The following NFIB variants were observed in gnomAD, a reference collection of about 807,000 sequenced individuals.
NFIB encodes the protein nuclear factor I B.
A neutral mutation model predicts 61.5 loss-of-function variants in NFIB; 11 were observed. That is an observed-to-expected ratio of 0.18 (90% CI 0.11 to 0.30). The LOEUF is 0.30. Among genes scored for constraint, NFIB ranks in the 10% least tolerant of loss-of-function variants. The pLI, the probability that NFIB is intolerant of heterozygous loss-of-function variation, is 1.00. For missense variants in NFIB, 471 were observed against 608.9 expected, an observed-to-expected ratio of 0.77 and a Z score of 2.38; for synonymous variants, 260 against 216.5, an observed-to-expected ratio of 1.20 and a Z score of -1.76.
chr9:14,179,483 C>A (rs185671385), intron 3 of NFIB, among the ~76,000 whole-genome samples: 1 of 152,064 alleles, frequency 6.6e-6, no homozygotes, highest in African/African-American at 2.4e-5. Context: ...AAAATATATG[C>A]GTATTTATTT....
chr9:14,412,766 A>G, the NFIB span, among the ~76,000 whole-genome samples: 1 of 152,192 alleles, frequency 6.6e-6, no homozygotes, highest in African/African-American at 2.4e-5. Context: ...GGCATGGGAT[A>G]CGTAATTAAA....
At chr9:14,338,471 C>A (rs10810132) in intron 1 of NFIB, among the ~76,000 whole-genome samples, 22,576 of 152,144 alleles carry the variant, frequency 0.15, 1,973 homozygotes, top group Middle Eastern at 0.2. Flanking sequence ...AGTAGAACAA[C>A]TGGAGTTTGA....
chr9:14,162,769 T>G (rs1343471120), intron 3 of NFIB, among the ~76,000 whole-genome samples: 1 of 152,132 alleles, frequency 6.6e-6, no homozygotes, highest in African/African-American at 2.4e-5. Flanking sequence ...ACTTTTGCTT[T>G]CTAATGTTGA....
At position 14,313,131 on chromosome 9, in the gene NFIB, G is replaced by A. The variant is rs1344002485; in HGVS notation, c.30+351C>T. ...TCCACCTCAACGCGCGAGCTGCTGA[G>A]AGGGGCTACGGGCACCCCGGGCGGG... On this transcript the variant is annotated intron_variant, in intron 1 of 10. Transcript: ENST00000380953. This position sits in a 1 kb window ranked among gnomAD's most constrained non-coding sequence, Gnocchi z 4.5. Among the ~76,000 whole-genome samples, 3 of 152,224 alleles carry A rather than the reference G, an allele frequency of 2.0e-5. No homozygotes were observed. The highest frequency in any genetic ancestry group is 2.9e-5 in the Non-Finnish European group (2 of 68,036).
At chr9:14,466,779 G>A in the NFIB span, among the ~76,000 whole-genome samples, 15 of 152,308 alleles carry the variant, frequency 9.8e-5, no homozygotes, top group African/African-American at 7.2e-5. Context: ...ATGGTTTATG[G>A]TGGGGGAGCT....
At chr9:14,104,548 T>C (rs746011919) in intron 10 of NFIB, among the ~76,000 whole-genome samples, 2 of 152,110 alleles carry the variant, frequency 1.3e-5, no homozygotes, top group African/African-American at 2.4e-5. Flanking sequence ...GATTCTACTC[T>C]AGTCAATGAA....
intron 2 of NFIB, among the ~76,000 whole-genome samples, chr9:14,184,733 T>C (rs1192747418): frequency 6.6e-6 from 1 of 152,158 alleles, no homozygotes; most frequent in African/African-American, 2.4e-5. Flanking sequence ...CATTTAAATG[T>C]AAATCAATTA....
chr9:14,428,187 C>G, the NFIB span, among the ~76,000 whole-genome samples: 1 of 152,064 alleles, frequency 6.6e-6, no homozygotes, highest in Non-Finnish European at 1.5e-5. Context: ...CTCAAGTAAT[C>G]CTCCCACTTC....
intron 1 of NFIB, chr9:14,362,962 C>T (rs2132948736): frequency 6.6e-6 from 1 of 152,208 alleles, no homozygotes; most frequent in Non-Finnish European, 1.5e-5. Flanking sequence ...TGAGAAGAAG[C>T]TAATGAAGCT....
At chr9:14,465,317 A>C in the NFIB span, among the ~76,000 whole-genome samples, 10 of 152,318 alleles carry the variant, frequency 6.6e-5, no homozygotes, top group East Asian at 1.9e-3. Context: ...AAGCTCTTGG[A>C]GTTTCCATTT....
At chr9:14,391,245 G>A (rs564343985) in intron 1 of NFIB, among the ~76,000 whole-genome samples, 1 of 152,106 alleles carries the variant, frequency 6.6e-6, no homozygotes, top group African/African-American at 2.4e-5. Context: ...ATGGTAGCAG[G>A]AATCCTTTAT....
intron 3 of NFIB, among the ~76,000 whole-genome samples, chr9:14,175,872 C>G (rs572666478): frequency 6.6e-6 from 1 of 152,162 alleles, no homozygotes; most frequent in East Asian, 1.9e-4. Flanking sequence ...AAACTACCAG[C>G]CTTCCTGAAC....
chr9:14,262,058 C>A (rs2056809520), intron 2 of NFIB, among the ~76,000 whole-genome samples: 1 of 151,994 alleles, frequency 6.6e-6, no homozygotes, highest in Non-Finnish European at 1.5e-5. Flanking sequence ...GTTTCTGAGC[C>A]CTGACACTAT....
chr9:14,415,062 T>G, the NFIB span, among the ~76,000 whole-genome samples: 1 of 152,230 alleles, frequency 6.6e-6, no homozygotes, highest in Non-Finnish European at 1.5e-5. Context: ...CAGGATCCCA[T>G]AAGACTGCAA....
chr9:14,284,012 T>A (rs916314421), intron 2 of NFIB, among the ~76,000 whole-genome samples: 1 of 152,016 alleles, frequency 6.6e-6, no homozygotes, highest in Non-Finnish European at 1.5e-5. Context: ...TTTTAAAAAA[T>A]AGTTTTACTG....
chr9:14,131,631 A>C (rs944419137), intron 6 of NFIB, among the ~76,000 whole-genome samples: 21 of 152,356 alleles, frequency 1.4e-4, no homozygotes, highest in African/African-American at 4.6e-4. Flanking sequence ...ATGTGATAAA[A>C]TGCTGCAGGG....
intron 2 of NFIB, among the ~76,000 whole-genome samples, chr9:14,294,077 G>A (rs1182437389): frequency 6.6e-6 from 1 of 152,188 alleles, no homozygotes; most frequent in Non-Finnish European, 1.5e-5. Flanking sequence ...GACACGAAAA[G>A]CAGATTAATT....
rs1243063285 is a variant in NFIB, at chr9:14,314,094, G to A, written c.-583C>T. 4.8e-6 allele frequency: 5 copies of A among 1,049,858 alleles called. No homozygotes were observed. The African/African-American group carries it at 6.7e-5, about 14-fold the overall frequency. The allele number at this position is 1,049,858 out of a possible 1,614,324, so 65.0% of individuals were successfully genotyped here. On this transcript the variant is annotated 5_prime_UTR_variant, in exon 1 of 11. An upstream open reading frame in the 5' UTR gains an earlier in-frame stop. Transcript: ENST00000380953. ...GAGTGGTGATCGCAGGCGAAACTTT[G>A]CCGCGAGCCGACCATGTGTGTGCGC...
intron 2 of NFIB, among the ~76,000 whole-genome samples, chr9:14,292,528 A>G (rs931471512): frequency 2.6e-5 from 4 of 152,260 alleles, no homozygotes; most frequent in Non-Finnish European, 5.9e-5. Flanking sequence ...CTCTGCCAAG[A>G]TAACCAGAAA....
Sources: allele counts gnomAD v4.1 joint callset (sites outside exome capture counted in the v4.1 genomes callset), GRCh38; gene constraint gnomAD v4.1.1; non-coding constraint Gnocchi (gnomAD v3.1); transcripts MANE v1.5; gene names NCBI Gene and HGNC (gene_info 2026-07-23, HGNC 2026-07-21).